EPHA6: variants seen among roughly 807,000 people sequenced by gnomAD.
EPHA6 encodes ephrin type-A receptor 6.
In EPHA6, 50 loss-of-function variants were observed where a neutral mutation model predicts 112.0. The ratio of observed to expected loss-of-function variants is 0.45; its 90% confidence interval spans 0.36 to 0.56. The LOEUF (loss-of-function observed/expected upper bound fraction) is 0.56. Ranked by LOEUF, EPHA6 falls within the 20% of genes least tolerant of loss-of-function variation. The pLI is 0.00. For missense variants in EPHA6, 1,280 were observed against 1,417.4 expected (o/e 0.90, Z 1.56); for synonymous variants, 529 against 490.7 (o/e 1.08, Z -1.03).
intron 3 of EPHA6, among the ~76,000 whole-genome samples, chr3:97,082,070 T>C (rs2046739498): frequency 6.6e-6 from 1 of 151,764 alleles, no homozygotes; most frequent in Non-Finnish European, 1.5e-5. Flanking sequence ...AAATTATATA[T>C]GTTTATCATG....
intron 4 of EPHA6, among the ~76,000 whole-genome samples, chr3:97,236,902 G>T (rs796850771): frequency 6.6e-6 from 1 of 151,948 alleles, no homozygotes; most frequent in Admixed American, 6.6e-5. Flanking sequence ...CCACATCGCC[G>T]CTCCTAGGTA....
At chr3:97,011,705 A>G (rs575697807) in intron 3 of EPHA6, among the ~76,000 whole-genome samples, 1 of 152,230 alleles carries the variant, frequency 6.6e-6, no homozygotes, top group African/African-American at 2.4e-5. Context: ...TTGTGGGTAT[A>G]TTGTGTGACA....
chr3:97,534,754 G>A (rs1040987202), intron 11 of EPHA6, among the ~76,000 whole-genome samples: 3 of 151,902 alleles, frequency 2.0e-5, no homozygotes, highest in Non-Finnish European at 4.4e-5. Flanking sequence ...TGACTTCCTT[G>A]TTATTAATTT....
At chr3:97,547,173 G>T (rs2092962975) in intron 11 of EPHA6, among the ~76,000 whole-genome samples, 1 of 152,194 alleles carries the variant, frequency 6.6e-6, no homozygotes, top group Non-Finnish European at 1.5e-5. Context: ...TTTCTGCTCT[G>T]TTGTTTTCCC....
chr3:97,156,554 A>T (rs2076294132), intron 3 of EPHA6, among the ~76,000 whole-genome samples: 1 of 152,158 alleles, frequency 6.6e-6, no homozygotes, highest in Non-Finnish European at 1.5e-5. Flanking sequence ...AATTAATAAA[A>T]TTTATTCATT....
chr3:97,653,143 G>A (rs1402848287), intron 14 of EPHA6, among the ~76,000 whole-genome samples: 55 of 151,516 alleles, frequency 3.6e-4, no homozygotes, highest in Admixed American at 3.6e-3. Context: ...GGTCTCAAAA[G>A]GAAAAATAGA....
intron 11 of EPHA6, among the ~76,000 whole-genome samples, chr3:97,585,637 G>T (rs2093480652): frequency 6.6e-6 from 1 of 151,164 alleles, no homozygotes; most frequent in Non-Finnish European, 1.5e-5. Flanking sequence ...AACAGTAATG[G>T]TCATATTATT....
At chr3:97,130,848 C>G (rs2048318082) in intron 3 of EPHA6, among the ~76,000 whole-genome samples, 1 of 152,010 alleles carries the variant, frequency 6.6e-6, no homozygotes, top group Admixed American at 6.6e-5. Flanking sequence ...CGTGATTCAC[C>G]CTTATTATAA....
intron 14 of EPHA6, among the ~76,000 whole-genome samples, chr3:97,666,694 C>T (rs2030153908): frequency 6.6e-6 from 1 of 152,082 alleles, no homozygotes. Flanking sequence ...TCTACAATGA[C>T]CCTATTTCTA....
intron 3 of EPHA6, among the ~76,000 whole-genome samples, chr3:97,222,836 T>G (rs1211813555): frequency 6.6e-6 from 1 of 152,216 alleles, no homozygotes; most frequent in Non-Finnish European, 1.5e-5. Flanking sequence ...TTGTGGTGCT[T>G]ACAGCCATTA....
intron 7 of EPHA6, among the ~76,000 whole-genome samples, chr3:97,455,334 A>G (rs1038090094): frequency 2.0e-5 from 3 of 152,016 alleles, no homozygotes; most frequent in African/African-American, 7.2e-5. Flanking sequence ...AGATACTATT[A>G]TGCCAATTTT....
At chr3:96,832,143 C>G (rs1426106144) in intron 1 of EPHA6, among the ~76,000 whole-genome samples, 1 of 152,034 alleles carries the variant, frequency 6.6e-6, no homozygotes, top group Admixed American at 6.6e-5. Flanking sequence ...GGCCAAAACT[C>G]AGCGTATATC....
intron 2 of EPHA6, among the ~76,000 whole-genome samples, chr3:96,907,869 T>A (rs1575998539): frequency 1.3e-5 from 2 of 152,086 alleles, no homozygotes; most frequent in East Asian, 3.9e-4. Flanking sequence ...TATGAGTTCA[T>A]ATATATGTTT....
chr3:97,575,084 A>G (rs1362711864), intron 11 of EPHA6, among the ~76,000 whole-genome samples: 1 of 152,158 alleles, frequency 6.6e-6, no homozygotes, highest in Non-Finnish European at 1.5e-5. Flanking sequence ...TCTAGTAAAA[A>G]CTGAAGAGAG....
intron 3 of EPHA6, 116 bp downstream of exon 3, chr3:96,988,109 G>T (rs1366327195): frequency 1.6e-5 from 12 of 745,268 alleles, no homozygotes; most frequent in Non-Finnish European, 2.5e-5. Flanking sequence ...GTAATGTTTT[G>T]ATACATATAA....
At chr3:97,534,231 C>T (rs1172010297) in intron 11 of EPHA6, among the ~76,000 whole-genome samples, 1 of 152,088 alleles carries the variant, frequency 6.6e-6, no homozygotes, top group Non-Finnish European at 1.5e-5. Context: ...TCATTGTAAA[C>T]CACATTCAAT....
intron 14 of EPHA6, among the ~76,000 whole-genome samples, chr3:97,645,364 AG>A (rs578181728): frequency 6.9e-6 from 1 of 145,694 alleles, no homozygotes; most frequent in South Asian, 2.3e-4. Context: ...TGTCCTTTGT[AG>A]GGACATGGAT....
chr3:96,832,281 G>A (rs2034132670), intron 1 of EPHA6, among the ~76,000 whole-genome samples: 1 of 151,964 alleles, frequency 6.6e-6, no homozygotes, highest in Non-Finnish European at 1.5e-5. Context: ...TAACAGTTCA[G>A]CCTAGGATGG....
At chr3:96,837,617 T>C (rs1366871198) in intron 1 of EPHA6, among the ~76,000 whole-genome samples, 3 of 152,076 alleles carry the variant, frequency 2.0e-5, no homozygotes, top group Non-Finnish European at 1.5e-5. Flanking sequence ...TTCAATAATA[T>C]CTTACTTTTG....
Sources: allele counts gnomAD v4.1 joint callset (sites outside exome capture counted in the v4.1 genomes callset), GRCh38; gene constraint gnomAD v4.1.1; transcripts MANE v1.5; gene names NCBI Gene and HGNC (gene_info 2026-07-23, HGNC 2026-07-21).